The following BMP6 variants were observed in gnomAD, a reference collection of about 807,000 sequenced individuals.
BMP6 encodes bone morphogenetic protein 6.
Under a neutral mutation model 54.1 loss-of-function variants are expected in BMP6, and 17 were observed. The ratio of observed to expected loss-of-function variants is 0.31; its 90% CI spans 0.22 to 0.47. BMP6 has a LOEUF of 0.47. Ranked by LOEUF, BMP6 falls within the 20% of genes least tolerant of loss-of-function variation. The pLI, the probability that BMP6 is intolerant of heterozygous loss-of-function variation, is 1.00. For synonymous variants in BMP6, 328 were observed against 291.2 expected, an observed-to-expected ratio of 1.13 and a Z score of -1.28; for missense variants, 720 against 690.4, an observed-to-expected ratio of 1.04 and a Z score of -0.48.
In BMP6 at chr6:7,862,435, C is replaced by T. The variant is rs1250309380; in HGVS notation, c.1141C>T (p.Arg381Ter). Residue 381 changes from arginine to a stop codon, truncating the protein, a stop_gained, in exon 4 of 7, where the codon CGA (arginine) becomes TGA (stop). Transcript: ENST00000283147. LOFTEE classifies it high-confidence loss of function. ...CACCAGGTCAGCCTCCAGCCGGCGC[C>T]GACAACAGAGTCGTAATCGCTCTAC... is the stretch of plus-strand genomic sequence containing the variant. ...RTTRSASSRR[R>*]QQSRNRSTQS... 1 of 1,614,202 alleles carries T rather than the reference C, an allele frequency of 6.2e-7. No individual in the cohort carries two copies. The highest frequency in any genetic ancestry group is 1.7e-5 in the Admixed American group (1 of 60,020).
At chr6:7,877,794 T>G (rs1475136567) in intron 4 of BMP6, among the ~76,000 whole-genome samples, 2 of 152,214 alleles carry the variant, frequency 1.3e-5, no homozygotes, top group African/African-American at 2.4e-5. Flanking sequence ...TGACCTAGGC[T>G]CTTACACCCA....
At chr6:7,728,082 C>T (rs1001162290) in intron 1 of BMP6, among the ~76,000 whole-genome samples, 1 of 152,030 alleles carries the variant, frequency 6.6e-6, no homozygotes, top group Non-Finnish European at 1.5e-5. Context: ...TGCAGTTTTC[C>T]CACCGAGACT....
chr6:7,766,016 T>A (rs1757681739), intron 1 of BMP6, among the ~76,000 whole-genome samples: 2 of 152,184 alleles, frequency 1.3e-5, no homozygotes, highest in South Asian at 4.1e-4. Flanking sequence ...AATCTTACCT[T>A]AAGCATTCCT....
chr6:7,804,649 A>T (rs1282565134), intron 1 of BMP6, among the ~76,000 whole-genome samples: 3 of 152,198 alleles, frequency 2.0e-5, no homozygotes, highest in Non-Finnish European at 4.4e-5. Flanking sequence ...TTTAGCAAAC[A>T]TCTGGTGTCT....
At chr6:7,864,069 C>T (rs1485631039) in intron 4 of BMP6, among the ~76,000 whole-genome samples, 5 of 151,800 alleles carry the variant, frequency 3.3e-5, no homozygotes, top group Non-Finnish European at 7.4e-5. Context: ...TGGAAGTCCA[C>T]CCATGGAAGC....
chr6:7,775,133 C>T (rs76047639), intron 1 of BMP6, among the ~76,000 whole-genome samples: 1,565 of 152,278 alleles, frequency 0.01, 31 homozygotes, highest in Non-Finnish European at 0.012. Context: ...AACAGTGTTG[C>T]GTTGGGGATT....
At chr6:7,787,806 TAAC>T (rs1758041223) in intron 1 of BMP6, among the ~76,000 whole-genome samples, 1 of 152,222 alleles carries the variant, frequency 6.6e-6, no homozygotes, top group African/African-American at 2.4e-5. Context: ...ATTATAGTAA[TAAC>T]AAGATTTCTT....
chr6:7,846,088 G>C (rs960768612), intron 2 of BMP6, among the ~76,000 whole-genome samples: 3 of 152,166 alleles, frequency 2.0e-5, no homozygotes, highest in Non-Finnish European at 4.4e-5. Context: ...TGAGAATCAA[G>C]GCCTTTATGC....
At chr6:7,737,193 A>G (rs1315040339) in intron 1 of BMP6, among the ~76,000 whole-genome samples, 3 of 152,196 alleles carry the variant, frequency 2.0e-5, no homozygotes, top group East Asian at 3.9e-4. Flanking sequence ...CTCAAAAAAA[A>G]AAAAGAGCTT....
intron 2 of BMP6, among the ~76,000 whole-genome samples, chr6:7,847,332 G>A (rs2113257454): frequency 6.6e-6 from 1 of 152,334 alleles, no homozygotes; most frequent in South Asian, 2.1e-4. Flanking sequence ...AAGGGCTCCA[G>A]TTTGGCCAGG....
At chr6:7,735,285 A>G (rs1320874306) in intron 1 of BMP6, among the ~76,000 whole-genome samples, 1 of 151,928 alleles carries the variant, frequency 6.6e-6, no homozygotes, top group Non-Finnish European at 1.5e-5. Flanking sequence ...CATGGGCTGG[A>G]AAAAAAATTC....
intron 1 of BMP6, among the ~76,000 whole-genome samples, chr6:7,794,521 G>A (rs758519806): frequency 6.7e-6 from 1 of 150,374 alleles, no homozygotes; most frequent in East Asian, 2.0e-4. Flanking sequence ...GATTGCCTGA[G>A]TCCAGGAGTT....
At chr6:7,816,094 G>T (rs1256106470) in intron 1 of BMP6, among the ~76,000 whole-genome samples, 1 of 152,218 alleles carries the variant, frequency 6.6e-6, no homozygotes, top group Non-Finnish European at 1.5e-5. Flanking sequence ...AAGGACTAAG[G>T]AAGTCCGGTC....
At chr6:7,870,854 C>T (rs1393309196) in intron 4 of BMP6, among the ~76,000 whole-genome samples, 2 of 152,206 alleles carry the variant, frequency 1.3e-5, no homozygotes, top group Admixed American at 6.5e-5. Flanking sequence ...GTCTCAAACT[C>T]CTGACCTCAA....
At chr6:7,811,735 C>G (rs956920545) in intron 1 of BMP6, among the ~76,000 whole-genome samples, 1 of 152,168 alleles carries the variant, frequency 6.6e-6, no homozygotes, top group African/African-American at 2.4e-5. Flanking sequence ...TAACATCTTC[C>G]TCCCTTTATT....
chr6:7,832,057 A>G lies in BMP6; in HGVS notation c.665-13083A>G, dbSNP rs369947020. Among the ~76,000 whole-genome samples, 19 of 152,242 alleles carry G rather than the reference A, an allele frequency of 1.2e-4. 2 individuals carry two copies. The highest frequency in any genetic ancestry group is 7.7e-4 in the East Asian group (4 of 5,186). On this transcript the variant is annotated intron_variant, in intron 1 of 6. Coordinates refer to ENST00000283147, the MANE Select transcript of BMP6 (RefSeq NM_001718.6). ...GTTAAGGTAGACACGCAAACAGCTG[A>G]TCGTTTTGGTATAAGGTAGGGGTTT...
At chr6:7,736,367 T>TG (rs879886907) in intron 1 of BMP6, among the ~76,000 whole-genome samples, 1 of 152,058 alleles carries the variant, frequency 6.6e-6, no homozygotes, top group African/African-American at 2.4e-5. Flanking sequence ...TATTAAAATT[T>TG]GGGGGGGTTA....
At chr6:7,813,108 A>AAAAAAAATATATATAT (rs1554122651) in intron 1 of BMP6, among the ~76,000 whole-genome samples, 2 of 21,492 alleles carry the variant, frequency 9.3e-5, no homozygotes, top group Non-Finnish European at 7.6e-5. Context: ...AAAAAAAAAA[A>AAAAAAAATATATATAT]ATATATATAT....
intron 1 of BMP6, among the ~76,000 whole-genome samples, chr6:7,744,834 C>T (rs1456876875): frequency 1.3e-5 from 2 of 152,148 alleles, no homozygotes; most frequent in African/African-American, 2.4e-5. Flanking sequence ...GGCAGAAAGG[C>T]TGTTGGTTTC....
Sources: allele counts gnomAD v4.1 joint callset (sites outside exome capture counted in the v4.1 genomes callset), GRCh38; gene constraint gnomAD v4.1.1; transcripts MANE v1.5; gene names NCBI Gene and HGNC (gene_info 2026-07-23, HGNC 2026-07-21).